The following SYT1 variants were observed in gnomAD, a reference collection of about 807,000 sequenced individuals.
SYT1 encodes synaptotagmin 1.
Under a neutral mutation model 44.8 loss-of-function variants are expected in SYT1, and 8 were observed. The observed-to-expected ratio is 0.18, with a 90% CI of 0.10 to 0.32. SYT1 has a LOEUF of 0.32. SYT1 is among the 10% of genes least tolerant of loss of function. The probability of loss-of-function intolerance (pLI) is 1.00; values close to 1 mark genes in which losing one functional copy is unlikely to be tolerated. For synonymous variants in SYT1, 154 were observed against 188.8 expected (o/e 0.82, Z 1.51); for missense variants, 286 against 509.3 (o/e 0.56, Z 4.22).
chr12:78,980,666 A>G (rs773239935), intron 2 of SYT1, among the ~76,000 whole-genome samples: 1 of 152,218 alleles, frequency 6.6e-6, no homozygotes. Context: ...AATCCACAAC[A>G]TTATAGTAAA....
At chr12:79,274,566 C>G (rs147119625) in intron 4 of SYT1, among the ~76,000 whole-genome samples, 3 of 152,320 alleles carry the variant, frequency 2.0e-5, no homozygotes, top group Admixed American at 6.5e-5. Context: ...GCAGCCGCAG[C>G]GCAAACTTGG....
At chr12:79,384,968 T>C (rs1388996482) in intron 9 of SYT1, among the ~76,000 whole-genome samples, 1 of 151,236 alleles carries the variant, frequency 6.6e-6, no homozygotes, top group Non-Finnish European at 1.5e-5. Context: ...AATAAGCAGC[T>C]AATGGAAGGG....
chr12:79,115,801 C>T (rs1358377594), intron 3 of SYT1, among the ~76,000 whole-genome samples: 1 of 152,160 alleles, frequency 6.6e-6, no homozygotes, highest in African/African-American at 2.4e-5. Flanking sequence ...TCCTTTATTG[C>T]TCAGCATGCC....
intron 3 of SYT1, among the ~76,000 whole-genome samples, chr12:79,151,783 G>A (rs1479574355): frequency 6.6e-6 from 1 of 152,152 alleles, no homozygotes; most frequent in Non-Finnish European, 1.5e-5. Context: ...TTCACAGCAG[G>A]GCAGTACAGA....
At chr12:79,216,179 C>T (rs1261802762) in intron 3 of SYT1, among the ~76,000 whole-genome samples, 2 of 152,202 alleles carry the variant, frequency 1.3e-5, no homozygotes, top group East Asian at 3.9e-4. Flanking sequence ...GATCCGCCTG[C>T]CTCGGCCTCC....
intron 1 of SYT1, among the ~76,000 whole-genome samples, chr12:78,885,954 G>C (rs545545530): frequency 2.0e-5 from 3 of 151,874 alleles, no homozygotes; most frequent in African/African-American, 4.8e-5. Context: ...TAGATTTTGT[G>C]ACCTCTAAGT....
At chr12:79,059,252 A>C (rs1875194634) in intron 3 of SYT1, among the ~76,000 whole-genome samples, 1 of 152,142 alleles carries the variant, frequency 6.6e-6, no homozygotes, top group Admixed American at 6.6e-5. Context: ...ACAGGTGGGA[A>C]TTATGGGAGC....
At chr12:79,203,377 C>A (rs1873910935) in intron 3 of SYT1, among the ~76,000 whole-genome samples, 1 of 152,112 alleles carries the variant, frequency 6.6e-6, no homozygotes, top group Non-Finnish European at 1.5e-5. Context: ...CCAGGTACCA[C>A]AGGCAAACAC....
At chr12:78,885,867 G>A (rs1412443306) in intron 1 of SYT1, among the ~76,000 whole-genome samples, 1 of 151,992 alleles carries the variant, frequency 6.6e-6, no homozygotes, top group Non-Finnish European at 1.5e-5. Flanking sequence ...ATAGGGCCAA[G>A]GGTGGAAACA....
At chr12:79,311,439 C>T (rs1880784132) in intron 8 of SYT1, among the ~76,000 whole-genome samples, 1 of 138,242 alleles carries the variant, frequency 7.2e-6, no homozygotes, top group Non-Finnish European at 1.6e-5. Flanking sequence ...ACTAGTTCAA[C>T]CATTGTGGAA....
chr12:78,899,444 A>G (rs1224431666), intron 1 of SYT1, among the ~76,000 whole-genome samples: 1 of 152,012 alleles, frequency 6.6e-6, no homozygotes, highest in East Asian at 1.9e-4. Flanking sequence ...TATAATTTTT[A>G]TTTATATTTA....
At chr12:78,915,360 T>G (rs7973929) in intron 1 of SYT1, among the ~76,000 whole-genome samples, 21,341 of 152,000 alleles carry the variant, frequency 0.14, 3,112 homozygotes, top group African/African-American at 0.37. Context: ...CAGAGTGATT[T>G]TGATGCATAG....
At position 79,296,250 on chromosome 12, in the gene SYT1, T is replaced by C. The variant is rs1430213108; in HGVS notation, c.642+14T>C. On this transcript the variant is annotated intron_variant, in intron 7 of 10. Transcript: ENST00000261205. ...TTTACTTTCAAGGTATTTGTTAACA[T>C]TTATTTATAACCTTTCCTTTGTTGT... 8 of 1,609,906 alleles carry C rather than the reference T, an allele frequency of 5.0e-6. No individual in the cohort carries two copies. The highest frequency in any genetic ancestry group is 1.1e-5 in the South Asian group (1 of 90,460).
intron 3 of SYT1, among the ~76,000 whole-genome samples, chr12:79,073,929 T>TCAGGCCTTATTTACC (rs1468198064): frequency 6.6e-6 from 1 of 152,158 alleles, no homozygotes; most frequent in Non-Finnish European, 1.5e-5. Context: ...GCAACTTAAT[T>TCAGGCCTTATTTACC]CAGGCCTTAT....
intron 1 of SYT1, among the ~76,000 whole-genome samples, chr12:78,915,980 T>A (rs2137144425): frequency 6.6e-6 from 1 of 152,184 alleles, no homozygotes; most frequent in East Asian, 1.9e-4. Context: ...TTAATTATGT[T>A]GTGTTGATAG....
intron 9 of SYT1, among the ~76,000 whole-genome samples, chr12:79,368,974 A>G (rs1223937030): frequency 1.3e-5 from 2 of 152,170 alleles, no homozygotes; most frequent in Non-Finnish European, 2.9e-5. Flanking sequence ...GTCCTTGCCC[A>G]TGCCTATGTC....
At chr12:79,172,335 A>G (rs1330175700) in intron 3 of SYT1, among the ~76,000 whole-genome samples, 2 of 152,094 alleles carry the variant, frequency 1.3e-5, no homozygotes, top group African/African-American at 2.4e-5. Flanking sequence ...CTGCTCCCAA[A>G]AAAAGGAGTT....
intron 3 of SYT1, among the ~76,000 whole-genome samples, chr12:79,164,081 G>A (rs1299707796): frequency 6.6e-6 from 1 of 151,900 alleles, no homozygotes; most frequent in Non-Finnish European, 1.5e-5. Flanking sequence ...TCCTAATTCT[G>A]AAGCTTCTTT....
chr12:79,363,660 A>G (rs1159939462), intron 9 of SYT1, among the ~76,000 whole-genome samples: 1 of 151,766 alleles, frequency 6.6e-6, no homozygotes, highest in Non-Finnish European at 1.5e-5. Flanking sequence ...TCTCAAGCCC[A>G]GGAGGTCAAG....
Sources: allele counts gnomAD v4.1 joint callset (sites outside exome capture counted in the v4.1 genomes callset), GRCh38; gene constraint gnomAD v4.1.1; transcripts MANE v1.5; gene names NCBI Gene and HGNC (gene_info 2026-07-23, HGNC 2026-07-21).